The following IL2RA variants were observed in gnomAD, a reference collection of about 807,000 sequenced individuals.
IL2RA encodes interleukin-2 receptor subunit alpha.
In IL2RA, 24 loss-of-function variants were observed where a neutral mutation model predicts 37.8. The observed-to-expected ratio is 0.63, with a 90% CI of 0.46 to 0.89. IL2RA has a LOEUF of 0.89. IL2RA is among the 40% of genes least tolerant of loss of function. The probability of loss-of-function intolerance (pLI) is 0.00; values close to 1 mark genes in which losing one functional copy is unlikely to be tolerated. For synonymous variants in IL2RA, 125 were observed against 114.6 expected, an observed-to-expected ratio of 1.09 and a Z score of -0.58; for missense variants, 319 against 348.6, an observed-to-expected ratio of 0.92 and a Z score of 0.68.
chr10:6,055,387 G>T (rs1295462515), intron 1 of IL2RA, among the ~76,000 whole-genome samples: 7 of 151,424 alleles, frequency 4.6e-5, no homozygotes, highest in Non-Finnish European at 7.4e-5. Context: ...CAGAGAGTCC[G>T]CTTAATTCAT....
intron 7 of IL2RA, 97 bp downstream of exon 7, chr10:6,017,956 A>T: frequency 4.5e-6 from 4 of 889,892 alleles, no homozygotes; most frequent in Non-Finnish European, 7.4e-6. Context: ...ACTGCAGGTG[A>T]TTAGAGAGAG....
In IL2RA at chr10:6,025,343, G is replaced by A. The variant is rs570101681; in HGVS notation, c.256+491C>T. 1.3e-5 allele frequency among the ~76,000 whole-genome samples: 2 copies of A among 152,140 alleles called. No homozygotes were observed. The highest frequency in any genetic ancestry group is 4.2e-4 in the South Asian group (2 of 4,810). The stretch of plus-strand genomic sequence containing the variant: ...CACCCCAGCCTGGGCAACAGAGCGA[G>A]ACTGTCTCAAAAATAAAAATAAAAT... On this transcript the variant is annotated intron_variant, in intron 2 of 7. Transcript: ENST00000379959. The surrounding 1 kb of genome is among the most constrained non-coding windows in gnomAD (Gnocchi z 4.4).
chr10:6,057,551 C>T lies in IL2RA; in HGVS notation c.64+4537G>A, dbSNP rs1211151121. Among the ~76,000 whole-genome samples the T allele has an allele frequency of 6.6e-6, 1 of 152,146 alleles. No homozygotes were observed. The highest frequency in any genetic ancestry group is 1.5e-5 in the Non-Finnish European group (1 of 68,030). On this transcript the variant is annotated intron_variant, in intron 1 of 7. Transcript: ENST00000379959. This position sits in a 1 kb window ranked among gnomAD's most constrained non-coding sequence, Gnocchi z 4.8. ...ATCCCTGGGTGACCTCCTCATTTTA[C>T]AGAGAGAAATCTGTCAAAAACTCAC...
In IL2RA at chr10:6,058,281, A is replaced by G. The variant is rs187675757; in HGVS notation, c.64+3807T>C. Among the ~76,000 whole-genome samples the G allele has an allele frequency of 2.0e-5, 3 of 152,268 alleles. No homozygotes were observed. Among genetic ancestry groups the G allele is most frequent in the Admixed American group, 1.3e-4 (2 of 15,296 alleles). On this transcript the variant is annotated intron_variant, in intron 1 of 7. Coordinates refer to ENST00000379959, the MANE Select transcript of IL2RA (RefSeq NM_000417.3). This position sits in a 1 kb window ranked among gnomAD's most constrained non-coding sequence, Gnocchi z 4.2. ...CGTTCTATATTAGCACCTCTAACTGACGCATTCGTGAAACTCATTCTTTTG... is the reference window on the plus strand; with the variant it reads ...CGTTCTATATTAGCACCTCTAACTGGCGCATTCGTGAAACTCATTCTTTTG...
chr10:6,027,711 C>CT lies in IL2RA; in HGVS notation c.65-1687dup, dbSNP rs1839508197. Among the ~76,000 whole-genome samples, 8 of 152,210 alleles carry CT rather than the reference C, an allele frequency of 5.3e-5. No individual in the cohort carries two copies. The South Asian group carries it at 1.5e-3, about 28-fold the overall frequency. ...AATAGATGGTAGTTCTGTTCCTTTC[C>CT]TTTTTCTCACTGTCCAGAAGAAGAG... On this transcript the variant is annotated intron_variant, in intron 1 of 7. Coordinates refer to ENST00000379959, the MANE Select transcript of IL2RA (RefSeq NM_000417.3).
rs942200 is a variant in IL2RA at position 6,021,711 on chromosome 10, T to C, written c.368-18A>G. On this transcript the variant is annotated intron_variant, in intron 3 of 7. Transcript: ENST00000379959. This position sits in a 1 kb window ranked among gnomAD's most constrained non-coding sequence, Gnocchi z 4.9. ...GCAGTGACCTGGAAGATGGAAGGAA[T>C]GCTCTGAAGGCAAGTTGGGGACAGC... 1,545,542 of 1,612,252 alleles carry C rather than the reference T, an allele frequency of 0.96. 743,801 individuals carry two copies. Among genetic ancestry groups the C allele is most frequent in the East Asian group, 1 (44,789 of 44,874 alleles).
chr10:6,055,387 G>A (rs1295462515), intron 1 of IL2RA, among the ~76,000 whole-genome samples: 1 of 151,320 alleles, frequency 6.6e-6, no homozygotes, highest in African/African-American at 2.4e-5. Flanking sequence ...CAGAGAGTCC[G>A]CTTAATTCAT....
At chr10:6,027,791 C>CA (rs1839509137) in intron 1 of IL2RA, among the ~76,000 whole-genome samples, 1 of 152,108 alleles carries the variant, frequency 6.6e-6, no homozygotes, top group Non-Finnish European at 1.5e-5. Flanking sequence ...TTAACTCCTG[C>CA]AAAAGTTTGT....
intron 1 of IL2RA, among the ~76,000 whole-genome samples, chr10:6,038,417 C>T: frequency 6.6e-6 from 1 of 152,182 alleles, no homozygotes; most frequent in Non-Finnish European, 1.5e-5. Context: ...ATGTCTGAGC[C>T]CTGCCTATGT....
chr10:6,056,924 G>A lies in IL2RA; in HGVS notation c.64+5164C>T, dbSNP rs1347096374. ...GAGGACCCCGCCCTCCCTGTCCAGG[G>A]CAGGAGCACAGTGGACCACCTGCTG... On this transcript the variant is annotated intron_variant, in intron 1 of 7. Coordinates refer to ENST00000379959, the MANE Select transcript of IL2RA (RefSeq NM_000417.3). This position sits in a 1 kb window ranked among gnomAD's most constrained non-coding sequence, Gnocchi z 5.0. Among the ~76,000 whole-genome samples the A allele has an allele frequency of 2.0e-5, 3 of 152,060 alleles. No homozygotes were observed. The highest frequency in any genetic ancestry group is 2.9e-5 in the Non-Finnish European group (2 of 68,012).
At chr10:6,019,122 G>A (rs1239399831) in intron 6 of IL2RA, among the ~76,000 whole-genome samples, 3 of 138,262 alleles carry the variant, frequency 2.2e-5, no homozygotes, top group African/African-American at 8.2e-5. Context: ...CTATCAACTT[G>A]CCAACCAACC....
Position 6,021,375 on chromosome 10 carries a change from G to T in IL2RA, c.583+103C>A. On this transcript the variant is annotated intron_variant, in intron 4 of 7. Coordinates refer to ENST00000379959, the MANE Select transcript of IL2RA (RefSeq NM_000417.3). This position sits in a 1 kb window ranked among gnomAD's most constrained non-coding sequence, Gnocchi z 4.9. The stretch of plus-strand genomic sequence containing the variant: ...GAAGCCCAGGGAGATCAAGGGTCTT[G>T]TCCAAGGACCACTCTTGTCCAGCAG... 1 of 991,502 alleles carries T rather than the reference G, an allele frequency of 1.0e-6. No individual in the cohort carries two copies. Among genetic ancestry groups the T allele is most frequent in the South Asian group, 1.3e-5 (1 of 78,100 alleles). The allele number at this position is 991,502 out of a possible 1,614,324, so 61.4% of individuals were successfully genotyped here.
chr10:6,020,486 T>TA lies in IL2RA; in HGVS notation c.584-546dup, dbSNP rs1410892793. Among the ~76,000 whole-genome samples, 2 of 150,878 alleles carry TA rather than the reference T, an allele frequency of 1.3e-5. No homozygotes were observed. The highest frequency in any genetic ancestry group is 2.4e-5 in the African/African-American group (1 of 41,002). ...GGGAACCCAAGAGAAGGACATGGAG[T>TA]ATGAGAAGTGCAGTGAGCAAGAAAA... On this transcript the variant is annotated intron_variant, in intron 4 of 7. Coordinates refer to ENST00000379959, the MANE Select transcript of IL2RA (RefSeq NM_000417.3). The surrounding 1 kb of genome is among the most constrained non-coding windows in gnomAD (Gnocchi z 5.6).
Position 6,024,225 on chromosome 10 carries a change from G to C in IL2RA, c.367+19C>G. The C allele has an allele frequency of 1.3e-6, 2 of 1,523,578 alleles. No homozygotes were observed. Among genetic ancestry groups the C allele is most frequent in the African/African-American group, 2.7e-5 (2 of 73,164 alleles). 94.4% of individuals were successfully genotyped at this position (1,523,578 alleles called of 1,614,324 possible). A position where few individuals can be genotyped will look rare whatever the true frequency, so the allele number is the denominator to read the frequency against. On this transcript the variant is annotated intron_variant, in intron 3 of 7. Transcript: ENST00000379959. ...GGTGCGCTAGCAGGAGTTAGCTGGA[G>C]GACAGATTCATCTCTCACCTGGAAG... is the stretch of plus-strand genomic sequence containing the variant.
chr10:6,035,339 G>A lies in IL2RA; in HGVS notation c.65-9314C>T, dbSNP rs927054372. On this transcript the variant is annotated intron_variant, in intron 1 of 7. Transcript: ENST00000379959. This position sits in a 1 kb window ranked among gnomAD's most constrained non-coding sequence, Gnocchi z 5.4. ...TGAGGGCCTGCCTTCATGGCAGTAGGCTCTGAGTGGGTGACTGGCGCCAGG... is the reference window on the plus strand; with the variant it reads ...TGAGGGCCTGCCTTCATGGCAGTAGACTCTGAGTGGGTGACTGGCGCCAGG... Among the ~76,000 whole-genome samples the A allele has an allele frequency of 2.6e-5, 4 of 152,216 alleles. No homozygotes were observed. Among genetic ancestry groups the A allele is most frequent in the Non-Finnish European group, 5.9e-5 (4 of 68,024 alleles).
intron 1 of IL2RA, among the ~76,000 whole-genome samples, chr10:6,032,453 G>A (rs1414494586): frequency 6.6e-6 from 1 of 152,104 alleles, no homozygotes; most frequent in African/African-American, 2.4e-5. Context: ...AGCACTTTGG[G>A]AGGCCGGGGC....
At position 6,019,437 on chromosome 10, in the gene IL2RA, G is replaced by C; in HGVS notation, c.718C>G (p.Gln240Glu). 6.2e-7 allele frequency: 1 copy of C among 1,611,520 alleles called. No individual in the cohort carries two copies. ...CCAGTGCCCCACTCACCTGCTACCT[G>C]GTACTCTGTTGTAAATATGGACGTC... ...METSIFTTEY[Q>E]VAVAGCVFLL... Residue 240 changes from glutamine (Q) to glutamate (E), a missense_variant, in exon 6 of 8, where the codon CAG becomes GAG. Gln to Glu is a conservative substitution (Grantham distance 29). Coordinates refer to ENST00000379959, the MANE Select transcript of IL2RA (RefSeq NM_000417.3).
At chr10:6,039,918 C>T (rs189236791) in intron 1 of IL2RA, among the ~76,000 whole-genome samples, 44 of 152,188 alleles carry the variant, frequency 2.9e-4, no homozygotes, top group Non-Finnish European at 5.0e-4. Context: ...GAAGGCTGCT[C>T]TTAACTATAA....
At position 6,048,014 on chromosome 10, in the gene IL2RA, G is replaced by A. The variant is rs1375443140; in HGVS notation, c.64+14074C>T. ...CCCCTCAGTGGTGGAGCTAGGACTT[G>A]GACCCAGGCAGCCTGACAAGTGCGT... On this transcript the variant is annotated intron_variant, in intron 1 of 7. Transcript: ENST00000379959. The surrounding 1 kb of genome is among the most constrained non-coding windows in gnomAD (Gnocchi z 5.3). 6.6e-6 allele frequency among the ~76,000 whole-genome samples: 1 copy of A among 152,210 alleles called. No homozygotes were observed. Among genetic ancestry groups the A allele is most frequent in the Non-Finnish European group, 1.5e-5 (1 of 68,032 alleles).
Sources: gnomAD v4.1 joint callset for allele counts (sites outside exome capture counted in the v4.1 genomes callset) on GRCh38, gnomAD v4.1.1 for gene constraint, Gnocchi (gnomAD v3.1) non-coding constraint, MANE v1.5 for transcripts, NCBI Gene and HGNC (gene_info 2026-07-23, HGNC 2026-07-21) for gene names.